The following KIAA0040 variants were observed in gnomAD, a reference collection of about 807,000 sequenced individuals.
KIAA0040 encodes KIAA0040.
A neutral mutation model predicts 7.2 loss-of-function variants in KIAA0040; 10 were observed. The ratio of observed to expected loss-of-function variants is 1.38; its 90% CI spans 0.85 to 2.34. The LOEUF (loss-of-function observed/expected upper bound fraction) is 2.34, where lower values mean the gene tolerates loss of function less well. KIAA0040 is among the 30% of genes most tolerant of loss of function. KIAA0040 has a pLI of 0.00. For synonymous variants in KIAA0040, 49 were observed against 40.1 expected (o/e 1.22, Z -0.84); for missense variants, 89 against 108.2 (o/e 0.82, Z 0.79).
intron 1 of KIAA0040, among the ~76,000 whole-genome samples, chr1:175,180,242 T>G (rs1677383413): frequency 6.6e-6 from 1 of 152,226 alleles, no homozygotes; most frequent in African/African-American, 2.4e-5. Context: ...TTGTTCTTCC[T>G]TTCTAGATGG....
Position 175,160,962 on chromosome 1 carries a change from T to A in KIAA0040, c.52A>T (p.Lys18Ter). The change falls in exon 4 of 4, where the codon AAA (lysine) becomes TAA (stop). Residue 18 changes from lysine (K) to a stop codon, truncating the protein, a stop_gained. Coordinates refer to ENST00000423313, the MANE Select transcript of KIAA0040 (RefSeq NM_014656.3). LOFTEE classifies it high-confidence loss of function. ...GTGTTGTAGATGCCTTCTTGGTGTTTGGTCAAGATGGTGTCCCAGATAGAG... is the reference window on the plus strand; with the variant it reads ...GTGTTGTAGATGCCTTCTTGGTGTTAGGTCAAGATGGTGTCCCAGATAGAG... Reference protein sequence around the residue: ...FSSIWDTILTKHQEGIYNTIC... With the variant: ...FSSIWDTILT 1 of 1,551,560 alleles carries A rather than the reference T, an allele frequency of 6.4e-7. No homozygotes were observed. Among genetic ancestry groups the A allele is most frequent in the Non-Finnish European group, 8.7e-7 (1 of 1,146,972 alleles).
chr1:175,161,385 C>T (rs1159203080), intron 3 of KIAA0040, among the ~76,000 whole-genome samples: 4 of 152,134 alleles, frequency 2.6e-5, no homozygotes, highest in African/African-American at 9.7e-5. Flanking sequence ...AATAGTATAT[C>T]AGGTCTGGCA....
rs760189529 is a variant in KIAA0040, at chr1:175,160,791, T to A, written c.223A>T (p.Lys75Ter). The change falls in exon 4 of 4, where the codon AAG becomes TAG. Residue 75 changes from lysine to a stop codon, truncating the protein, a stop_gained. Transcript: ENST00000423313. LOFTEE classifies it high-confidence loss of function. ...NKKKKKKKKK[K>*]DEEDLWISAQ... is the part of the protein sequence containing the mutation. ...GAGATCCAGAGGTCTTCTTCATCCT[T>A]CTTCTTCTTCTTCTTCTTCTTCTTC... 2.8e-6 allele frequency: 2 copies of A among 721,062 alleles called. No individual in the cohort carries two copies. Among genetic ancestry groups the A allele is most frequent in the African/African-American group, 6.8e-5 (2 of 29,384 alleles). The allele number at this position is 721,062 out of a possible 1,614,324, so 44.7% of individuals were successfully genotyped here. A position where few individuals can be genotyped will look rare whatever the true frequency, so the allele number is the denominator to read the frequency against.
intron 1 of KIAA0040, among the ~76,000 whole-genome samples, chr1:175,180,510 C>T (rs913700350): frequency 1.3e-5 from 2 of 152,196 alleles, no homozygotes; most frequent in Non-Finnish European, 2.9e-5. Flanking sequence ...AAAGAGATAT[C>T]CAGGAAAATA....
Position 175,158,194 on chromosome 1 carries a change from G to A in KIAA0040, c.*2520C>T, listed in dbSNP as rs2101867743. The A allele has an allele frequency of 6.6e-6, 1 of 152,458 alleles. No homozygotes were observed. The highest frequency in any genetic ancestry group is 1.9e-4 in the East Asian group (1 of 5,190). 9.4% of individuals were successfully genotyped at this position (152,458 alleles called of 1,614,324 possible). On this transcript the variant is annotated 3_prime_UTR_variant, in exon 4 of 4. Transcript: ENST00000423313. Reference sequence around the variant, plus strand: ...TACGCCAGGAAAGGTTGTCAGGGGAGTCTGTGATGGGGAAAAGAGAGGCCC... The same window carrying A: ...TACGCCAGGAAAGGTTGTCAGGGGAATCTGTGATGGGGAAAAGAGAGGCCC...
intron 3 of KIAA0040, among the ~76,000 whole-genome samples, chr1:175,163,320 T>A (rs1299974150): frequency 2.6e-5 from 4 of 152,228 alleles, no homozygotes; most frequent in Admixed American, 2.6e-4. Context: ...CCCAAATGCA[T>A]GAAGATACAT....
At chr1:175,170,020 A>G (rs189532685) in intron 2 of KIAA0040, among the ~76,000 whole-genome samples, 3 of 152,314 alleles carry the variant, frequency 2.0e-5, no homozygotes, top group African/African-American at 7.2e-5. Flanking sequence ...CTCCAGGTAG[A>G]AAGTATACAT....
At position 175,160,802 on chromosome 1, in the gene KIAA0040, TTCTTCTTCTTCTTCTTG is replaced by T; in HGVS notation, c.195_211del (p.Asn65LysfsTer7). On this transcript the variant is annotated frameshift_variant, in exon 4 of 4. Coordinates refer to ENST00000423313, the MANE Select transcript of KIAA0040 (RefSeq NM_014656.3). LOFTEE classifies it high-confidence loss of function. ...GTCTTCTTCATCCTTCTTCTTCTTC[TTCTTCTTCTTCTTCTTG>T]TTCTTCTCTGGCTGCTGGCCCCTCT... 1 of 1,546,942 alleles carries T rather than the reference TTCTTCTTCTTCTTCTTG, an allele frequency of 6.5e-7. No individual in the cohort carries two copies.
chr1:175,178,094 C>A (rs1261331301), intron 1 of KIAA0040, among the ~76,000 whole-genome samples: 1 of 152,304 alleles, frequency 6.6e-6, no homozygotes, highest in East Asian at 1.9e-4. Flanking sequence ...GGATGGAGAC[C>A]ACTCCTAAAT....
At chr1:175,173,767 C>T (rs147807343) in intron 2 of KIAA0040, among the ~76,000 whole-genome samples, 73 of 152,276 alleles carry the variant, frequency 4.8e-4, no homozygotes, top group African/African-American at 1.7e-3. Context: ...GGACCAAACA[C>T]GTTGAAGAGA....
In KIAA0040 at chr1:175,159,082, T is replaced by C. The variant is rs918311771; in HGVS notation, c.*1632A>G. ...GTGTAGAATAGCTTCCTTGGGAAAA[T>C]ATTTCAAGAGAGCTGCCCAGCATAT... is the stretch of plus-strand genomic sequence containing the variant. On this transcript the variant is annotated 3_prime_UTR_variant, in exon 4 of 4. Coordinates refer to ENST00000423313, the MANE Select transcript of KIAA0040 (RefSeq NM_014656.3). 2 of 152,212 alleles carry C rather than the reference T, an allele frequency of 1.3e-5. No homozygotes were observed. Among genetic ancestry groups the C allele is most frequent in the Non-Finnish European group, 2.9e-5 (2 of 68,032 alleles). 9.4% of individuals were successfully genotyped at this position (152,212 alleles called of 1,614,324 possible). A position where few individuals can be genotyped will look rare whatever the true frequency, so the allele number is the denominator to read the frequency against.
At chr1:175,174,595 A>G (rs1677108376) in intron 2 of KIAA0040, among the ~76,000 whole-genome samples, 1 of 152,330 alleles carries the variant, frequency 6.6e-6, no homozygotes, top group East Asian at 1.9e-4. Context: ...ATCTCAATGC[A>G]AAGTAGTGGT....
At chr1:175,172,059 C>T (rs1415728964) in intron 2 of KIAA0040, among the ~76,000 whole-genome samples, 3 of 152,144 alleles carry the variant, frequency 2.0e-5, no homozygotes, top group Non-Finnish European at 2.9e-5. Context: ...CTGGAATCTC[C>T]AGTTCCTTTA....
At chr1:175,171,298 G>A (rs1157613313) in intron 2 of KIAA0040, among the ~76,000 whole-genome samples, 1 of 152,168 alleles carries the variant, frequency 6.6e-6, no homozygotes, top group East Asian at 1.9e-4. Context: ...TGTCACGCTG[G>A]TTTCCACCTT....
chr1:175,191,342 T>C (rs931520335), intron 1 of KIAA0040, among the ~76,000 whole-genome samples: 1 of 152,254 alleles, frequency 6.6e-6, no homozygotes, highest in Non-Finnish European at 1.5e-5. Context: ...GTCATACTCA[T>C]TTCACAGGCC....
chr1:175,168,771 A>G (rs906933659), intron 2 of KIAA0040, among the ~76,000 whole-genome samples: 1 of 152,146 alleles, frequency 6.6e-6, no homozygotes, highest in African/African-American at 2.4e-5. Flanking sequence ...ACTCTTCCAC[A>G]GTGCTTTGCA....
chr1:175,161,308 T>A (rs953957379), intron 3 of KIAA0040, among the ~76,000 whole-genome samples, 162 bp from the exon 4 acceptor site: 2 of 152,242 alleles, frequency 1.3e-5, no homozygotes, highest in African/African-American at 4.8e-5. Context: ...TGCATGCATG[T>A]AATCAATAAG....
At chr1:175,185,329 G>A (rs979204693) in intron 1 of KIAA0040, among the ~76,000 whole-genome samples, 7 of 152,148 alleles carry the variant, frequency 4.6e-5, no homozygotes, top group African/African-American at 1.7e-4. Flanking sequence ...AGTGCTTAAT[G>A]TTATCCCCAG....
Position 175,160,806 on chromosome 1 carries a change from TC to T in KIAA0040, c.207del (p.Lys70ArgfsTer32), listed in dbSNP as rs767648441. 1.0e-3 allele frequency: 1,456 copies of T among 1,427,326 alleles called. 10 individuals carry two copies. The East Asian group carries it at 0.022, about 22-fold the overall frequency. 88.4% of individuals were successfully genotyped at this position (1,427,326 alleles called of 1,614,324 possible). On this transcript the variant is annotated frameshift_variant, in exon 4 of 4. Coordinates refer to ENST00000423313, the MANE Select transcript of KIAA0040 (RefSeq NM_014656.3). LOFTEE classifies it high-confidence loss of function. ...GQQPEKNKKK[K>X]KKKKKKDEED... ...TCTTCATCCTTCTTCTTCTTCTTCT[TC>T]TTCTTCTTCTTGTTCTTCTCTGGCT...
Sources: gnomAD v4.1 joint callset for allele counts (sites outside exome capture counted in the v4.1 genomes callset) on GRCh38, gnomAD v4.1.1 for gene constraint, MANE v1.5 for transcripts, NCBI Gene and HGNC (gene_info 2026-07-23, HGNC 2026-07-21) for gene names.